PHF24: variants seen among roughly 807,000 people sequenced by gnomAD.
PHF24 encodes the protein PHD finger protein 24.
In PHF24, 25 loss-of-function variants were observed where a neutral mutation model predicts 42.6. The observed-to-expected ratio is 0.59, with a 90% CI of 0.43 to 0.82. The LOEUF is 0.82. PHF24 is among the 40% of genes least tolerant of loss of function. The probability of loss-of-function intolerance (pLI) is 0.00; values close to 1 mark genes in which losing one functional copy is unlikely to be tolerated. For missense variants in PHF24, 470 were observed against 538.1 expected (o/e 0.87, Z 1.25); for synonymous variants, 185 against 204.8 (o/e 0.90, Z 0.83).
chr9:34,827,058 G>C, the PHF24 span, among the ~76,000 whole-genome samples: 1 of 152,096 alleles, frequency 6.6e-6, no homozygotes, highest in Admixed American at 6.5e-5. Flanking sequence ...TCATTTCTCT[G>C]CCCCTGGGAC....
At chr9:34,709,337 G>A in the PHF24 span, 1 of 1,595,348 alleles carries the variant, frequency 6.3e-7, no homozygotes, top group East Asian at 2.2e-5. Flanking sequence ...CTTGGGTTCA[G>A]GCTTCAAGCG....
chr9:34,865,975 G>A, the PHF24 span, among the ~76,000 whole-genome samples: 1 of 152,202 alleles, frequency 6.6e-6, no homozygotes. Context: ...ATAATCTTTT[G>A]TAACTTACTC....
chr9:34,669,275 T>G, the PHF24 span, among the ~76,000 whole-genome samples: 2 of 152,110 alleles, frequency 1.3e-5, no homozygotes, highest in Non-Finnish European at 2.9e-5. Context: ...TCAGATACTT[T>G]TGGATTCACA....
the PHF24 span, among the ~76,000 whole-genome samples, chr9:34,938,586 T>G: frequency 6.6e-6 from 1 of 152,206 alleles, no homozygotes; most frequent in Admixed American, 6.5e-5. Flanking sequence ...TGCAAGTTAC[T>G]GAACTTCCCT....
At chr9:34,982,200 T>C (rs1827417402) in exon 8 of PHF24, 1 of 152,154 alleles carries the variant, frequency 6.6e-6, no homozygotes, top group African/African-American at 2.4e-5. Context: ...TAGCCAGGCC[T>C]TTTCATAGCC....
the PHF24 span, chr9:34,690,100 G>A: frequency 6.3e-7 from 1 of 1,588,284 alleles, no homozygotes; most frequent in Non-Finnish European, 8.6e-7. Context: ...CCTGTTTCAG[G>A]GATTTCCTTG....
At chr9:34,812,949 C>A in the PHF24 span, among the ~76,000 whole-genome samples, 144,281 of 152,310 alleles carry the variant, frequency 0.95, 68,615 homozygotes, top group Non-Finnish European at 0.99. Flanking sequence ...CCCCATCCCC[C>A]ACCTGACATT....
the PHF24 span, among the ~76,000 whole-genome samples, chr9:34,852,102 AATGAAG>A: frequency 6.6e-6 from 1 of 152,198 alleles, no homozygotes; most frequent in African/African-American, 2.4e-5. Context: ...ACATGAAGAC[AATGAAG>A]ATGAAGACCT....
At chr9:34,881,768 A>C in the PHF24 span, among the ~76,000 whole-genome samples, 1 of 152,218 alleles carries the variant, frequency 6.6e-6, no homozygotes, top group Non-Finnish European at 1.5e-5. Flanking sequence ...TTCACAGCCA[A>C]ATTCTACCAG....
At chr9:34,785,260 T>C in the PHF24 span, among the ~76,000 whole-genome samples, 2 of 152,136 alleles carry the variant, frequency 1.3e-5, no homozygotes, top group Non-Finnish European at 2.9e-5. Flanking sequence ...GGCAGATGAA[T>C]AAAAAGAGAC....
the PHF24 span, among the ~76,000 whole-genome samples, chr9:34,754,268 A>G: frequency 5.3e-5 from 8 of 152,194 alleles, no homozygotes; most frequent in African/African-American, 1.9e-4. Flanking sequence ...CAAGAAATTA[A>G]TATTTGCAAA....
chr9:34,875,657 G>C, the PHF24 span, among the ~76,000 whole-genome samples: 1 of 152,092 alleles, frequency 6.6e-6, no homozygotes, highest in Non-Finnish European at 1.5e-5. Context: ...AGATTTCTGA[G>C]GAAAGCACTG....
chr9:34,938,550 T>C, the PHF24 span, among the ~76,000 whole-genome samples: 2 of 152,186 alleles, frequency 1.3e-5, no homozygotes, highest in Admixed American at 6.5e-5. Context: ...ATCATAGCTC[T>C]GACACTTACT....
At chr9:34,967,625 A>C (rs1440547954) in intron 1 of PHF24, among the ~76,000 whole-genome samples, 1 of 152,184 alleles carries the variant, frequency 6.6e-6, no homozygotes. Flanking sequence ...TACCTCTGTC[A>C]CTGTAAGTTG....
chr9:34,833,705 A>G, the PHF24 span: 4 of 1,527,882 alleles, frequency 2.6e-6, no homozygotes, highest in African/African-American at 1.4e-5. Flanking sequence ...CAGCGTCTCC[A>G]TTGTTCCTTT....
the PHF24 span, among the ~76,000 whole-genome samples, chr9:34,950,806 G>A: frequency 6.6e-6 from 1 of 152,012 alleles, no homozygotes; most frequent in Non-Finnish European, 1.5e-5. Flanking sequence ...CAAACATAAG[G>A]AGGAAAATTG....
At chr9:34,923,388 C>A in the PHF24 span, among the ~76,000 whole-genome samples, 2 of 152,058 alleles carry the variant, frequency 1.3e-5, no homozygotes, top group Non-Finnish European at 2.9e-5. Flanking sequence ...TTGGAATAGT[C>A]TGAGTAGGAT....
the PHF24 span, among the ~76,000 whole-genome samples, chr9:34,877,973 G>T: frequency 2.0e-5 from 3 of 152,076 alleles, no homozygotes; most frequent in Admixed American, 6.6e-5. Flanking sequence ...ATACTGTAAT[G>T]GTTGATACAT....
the PHF24 span, among the ~76,000 whole-genome samples, chr9:34,764,394 CAG>C: frequency 2.6e-5 from 4 of 152,260 alleles, no homozygotes; most frequent in Non-Finnish European, 4.4e-5. Flanking sequence ...TTGGTCTATT[CAG>C]AGAGTCAACT....
Sources: allele counts gnomAD v4.1 joint callset (sites outside exome capture counted in the v4.1 genomes callset), GRCh38; gene constraint gnomAD v4.1.1; transcripts MANE v1.5; gene names NCBI Gene and HGNC (gene_info 2026-07-23, HGNC 2026-07-21).